The following NPR3 variants were observed in gnomAD, a reference collection of about 807,000 sequenced individuals.
NPR3 encodes atrial natriuretic peptide receptor 3.
Under a neutral mutation model 54.5 loss-of-function variants are expected in NPR3, and 34 were observed. The ratio of observed to expected loss-of-function variants is 0.62; its 90% CI spans 0.47 to 0.83. The LOEUF is 0.83. NPR3 is among the 40% of genes least tolerant of loss of function. The probability of loss-of-function intolerance (pLI) is 0.00; values close to 1 mark genes in which losing one functional copy is unlikely to be tolerated. For missense variants in NPR3, 674 were observed against 720.8 expected, an observed-to-expected ratio of 0.94 and a Z score of 0.74; for synonymous variants, 289 against 297.1, an observed-to-expected ratio of 0.97 and a Z score of 0.28.
chr5:32,728,270 C>G (rs1284365501), intron 2 of NPR3, among the ~76,000 whole-genome samples: 1 of 152,028 alleles, frequency 6.6e-6, no homozygotes, highest in South Asian at 2.1e-4. Flanking sequence ...CAAGACCAGC[C>G]TGGCCAACAT....
chr5:32,721,018 G>A (rs533688855), intron 1 of NPR3, among the ~76,000 whole-genome samples: 1 of 152,242 alleles, frequency 6.6e-6, no homozygotes, highest in East Asian at 1.9e-4. Context: ...TTGTATAAAG[G>A]CAAGTTACTA....
At chr5:32,730,859 T>C (rs73755102) in intron 2 of NPR3, among the ~76,000 whole-genome samples, 5,370 of 152,308 alleles carry the variant, frequency 0.035, 115 homozygotes, top group Middle Eastern at 0.092. Context: ...TGTTCATGAA[T>C]TGGAAGACTC....
intron 3 of NPR3, among the ~76,000 whole-genome samples, chr5:32,771,050 G>GT (rs540902606): frequency 1.3e-3 from 184 of 146,424 alleles, no homozygotes; most frequent in Middle Eastern, 3.6e-3. Context: ...TTCATACATG[G>GT]TTTTTTTTTT....
At chr5:32,695,535 TG>T (rs1177884129) in intron 1 of NPR3, among the ~76,000 whole-genome samples, 1 of 152,256 alleles carries the variant, frequency 6.6e-6, no homozygotes, top group East Asian at 1.9e-4. Context: ...CCCAAAATGC[TG>T]GGATTACAGG....
In NPR3 at chr5:32,716,560, A is replaced by G. The variant is rs1191499014; in HGVS notation, c.769+4015A>G. 1.0e-5 allele frequency: 4 copies of G among 395,150 alleles called. No homozygotes were observed. In the East Asian group the frequency reaches 2.1e-4, roughly 21 times the overall value. 24.5% of individuals were successfully genotyped at this position (395,150 alleles called of 1,614,324 possible). A position where few individuals can be genotyped will look rare whatever the true frequency, so the allele number is the denominator to read the frequency against. On this transcript the variant is annotated intron_variant, in intron 1 of 7. Transcript: ENST00000265074. ...TGCTTGAGTCCAAGAGTTTGAGGCT[A>G]TGGATTGCCCTATTTGAATAGCCAC... is the stretch of plus-strand genomic sequence containing the variant.
At chr5:32,736,243 A>G (rs1220236338) in intron 2 of NPR3, among the ~76,000 whole-genome samples, 1 of 148,212 alleles carries the variant, frequency 6.7e-6, no homozygotes, top group African/African-American at 2.5e-5. Flanking sequence ...AAAAAAAAAA[A>G]AAAAAGAAAA....
chr5:32,762,843 C>T (rs775511001), intron 3 of NPR3, among the ~76,000 whole-genome samples: 14 of 152,226 alleles, frequency 9.2e-5, no homozygotes, highest in East Asian at 1.9e-4. Flanking sequence ...TGATTAGATC[C>T]GATTTGTCAA....
upstream of NPR3, chr5:32,710,858 GGTTT>G: frequency 2.9e-6 from 3 of 1,047,826 alleles, no homozygotes; most frequent in South Asian, 5.7e-5. Context: ...CCCCAGTCCT[GGTTT>G]TTTTTTTTTT....
intron 3 of NPR3, among the ~76,000 whole-genome samples, chr5:32,759,491 T>C (rs1005054553): frequency 1.3e-5 from 2 of 152,234 alleles, no homozygotes; most frequent in Non-Finnish European, 2.9e-5. Flanking sequence ...TTTGAGCGTA[T>C]GTGTGTCTCT....
intron 3 of NPR3, among the ~76,000 whole-genome samples, chr5:32,757,285 A>C (rs1055958775): frequency 2.6e-5 from 4 of 152,144 alleles, no homozygotes; most frequent in African/African-American, 9.7e-5. Flanking sequence ...TTCATTGAGC[A>C]GTGGTTTGTA....
At chr5:32,713,188 A>G (rs933813260) in intron 1 of NPR3, 1 of 985,178 alleles carries the variant, frequency 1.0e-6, no homozygotes, top group African/African-American at 1.7e-5. Context: ...TTCTGGCGAC[A>G]CTCACTTCTC....
At chr5:32,777,053 T>C (rs1045736401) in intron 4 of NPR3, among the ~76,000 whole-genome samples, 5 of 152,176 alleles carry the variant, frequency 3.3e-5, no homozygotes, top group Non-Finnish European at 7.3e-5. Flanking sequence ...GCAAGATGGC[T>C]AATGTGGCTG....
chr5:32,710,618 G>T, upstream of NPR3: 3 of 1,428,800 alleles, frequency 2.1e-6, no homozygotes, highest in South Asian at 1.6e-5. Context: ...TGAGGAAGGC[G>T]GGGTGTAGGT....
At chr5:32,712,599 C>T in intron 1 of NPR3, 54 bp downstream of exon 1, 3 of 1,476,220 alleles carry the variant, frequency 2.0e-6, no homozygotes, top group Admixed American at 2.3e-5. Flanking sequence ...CTCTCCGCGG[C>T]TCTCCCTGCA....
At chr5:32,752,059 C>G (rs1740606013) in intron 3 of NPR3, among the ~76,000 whole-genome samples, 1 of 151,972 alleles carries the variant, frequency 6.6e-6, no homozygotes, top group African/African-American at 2.4e-5. Context: ...AAAAAGTTAG[C>G]TGAGTGTGGT....
In NPR3 at chr5:32,780,898, A is replaced by G. The variant is rs979436028; in HGVS notation, c.1290+82A>G. The G allele has an allele frequency of 2.3e-5, 16 of 696,962 alleles. No individual in the cohort carries two copies. The African/African-American group carries it at 2.7e-4, about 12-fold the overall frequency. The allele number at this position is 696,962 out of a possible 1,614,324, so 43.2% of individuals were successfully genotyped here. On this transcript the variant is annotated intron_variant, in intron 5 of 7. Transcript: ENST00000265074. ...AATGCATTTGTTCTGGTGGCCAAAG[A>G]GCTGTCTCCAATGCAGCTTCCAAAT...
intron 1 of NPR3, among the ~76,000 whole-genome samples, chr5:32,718,687 C>T (rs1226718392): frequency 6.6e-6 from 1 of 152,100 alleles, no homozygotes; most frequent in Non-Finnish European, 1.5e-5. Context: ...GTGATTTTTG[C>T]ACATTGATTT....
chr5:32,778,797 A>G (rs892061494), intron 4 of NPR3, among the ~76,000 whole-genome samples: 1 of 152,206 alleles, frequency 6.6e-6, no homozygotes, highest in Non-Finnish European at 1.5e-5. Context: ...TAAAGGTATA[A>G]TGAGGTCTTA....
intron 1 of NPR3, among the ~76,000 whole-genome samples, chr5:32,696,469 T>C (rs1740535573): frequency 6.6e-6 from 1 of 152,058 alleles, no homozygotes; most frequent in Admixed American, 6.5e-5. Context: ...TTGCTTAGGA[T>C]AGCTTTGGCT....
Sources: allele counts gnomAD v4.1 joint callset (sites outside exome capture counted in the v4.1 genomes callset), GRCh38; gene constraint gnomAD v4.1.1; transcripts MANE v1.5; gene names NCBI Gene and HGNC (gene_info 2026-07-23, HGNC 2026-07-21).